CDK11A: variants seen among roughly 807,000 people sequenced by gnomAD.
The protein encoded by CDK11A is cyclin-dependent kinase 11A.
Under a neutral mutation model 83.6 loss-of-function variants are expected in CDK11A, and 55 were observed. That is an observed-to-expected ratio of 0.66 (90% CI 0.53 to 0.82). CDK11A has a LOEUF of 0.82. Ranked by LOEUF, CDK11A falls within the 40% of genes least tolerant of loss-of-function variation. The probability of loss-of-function intolerance (pLI) is 0.00; values close to 1 mark genes in which losing one functional copy is unlikely to be tolerated. For missense variants in CDK11A, 564 were observed against 810.1 expected (o/e 0.70, Z 3.69); for synonymous variants, 247 against 302.7 (o/e 0.82, Z 1.91).
Position 1,716,469 on chromosome 1 carries a change from G to A in CDK11A, c.365C>T (p.Ala122Val), listed in dbSNP as rs1644651646. Residue 122 changes from alanine to valine, a missense_variant, in exon 5 of 20, where the codon GCT becomes GTT. By Grantham distance (64) the Ala-to-Val change is moderately conservative. This residue lies in a region of CDK11A where 151 missense variants were observed against 147.4 expected (regional missense o/e 1.02). Transcript: ENST00000404249. ...TTCGTGCTCTCTTTCTTTCACTCTAGCATGCTTCCCTAATGAGAAATAAAG... is the reference window on the plus strand; with the variant it reads ...TTCGTGCTCTCTTTCTTTCACTCTAACATGCTTCCCTAATGAGAAATAAAG... ...HSHSAEGGKHARVKEREHERR... is the reference protein window; with the variant it reads ...HSHSAEGGKHVRVKEREHERR... 2 of 1,608,016 alleles carry A rather than the reference G, an allele frequency of 1.2e-6. No homozygotes were observed. Among genetic ancestry groups the A allele is most frequent in the Non-Finnish European group, 1.7e-6 (2 of 1,176,208 alleles).
rs552963881 is a variant in CDK11A at position 1,706,643 on chromosome 1, C to T, written c.1245+766G>A. Among the ~76,000 whole-genome samples the T allele has an allele frequency of 6.8e-4, 103 of 151,496 alleles. 1 individual carries two copies. Among genetic ancestry groups the T allele is most frequent in the African/African-American group, 2.4e-3 (100 of 41,334 alleles). On this transcript the variant is annotated intron_variant, in intron 11 of 19. Coordinates refer to ENST00000404249, the MANE Select transcript of CDK11A (RefSeq NM_024011.4). ...CTGAGGACGGGCCCTACCTGCCAGG[C>T]GCAGCATGATGCCCCATGCCAGGGC...
At chr1:1,703,659 G>A (rs1434443713) in intron 17 of CDK11A, 35 bp from the exon 18 acceptor site, 2 of 1,575,746 alleles carry the variant, frequency 1.3e-6, no homozygotes, top group Admixed American at 1.8e-5. Context: ...GCCACACCAA[G>A]TGGCCCACAG....
intron 1 of CDK11A, 160 bp downstream of exon 1, chr1:1,724,098 C>G (rs1215129784): frequency 6.7e-6 from 1 of 148,474 alleles, no homozygotes; most frequent in Non-Finnish European, 1.5e-5. Flanking sequence ...GCCGCCTCCA[C>G]CACCCAAAGT....
rs372695280 is a variant in CDK11A at position 1,704,185 on chromosome 1, G to A, written c.1686+38C>T. ...TGGGCGGCTGTGGGTGGGCCTGGGC[G>A]GGTCACCCTGGGATGGGCCACTCGG... On this transcript the variant is annotated intron_variant, in intron 15 of 19. Transcript: ENST00000404249. The A allele has an allele frequency of 4.5e-5, 73 of 1,606,286 alleles. 1 individual carries two copies. Among genetic ancestry groups the A allele is most frequent in the South Asian group, 2.1e-4 (19 of 89,474 alleles).
At chr1:1,720,388 C>T (rs1333907336) in intron 3 of CDK11A, among the ~76,000 whole-genome samples, 1 of 149,004 alleles carries the variant, frequency 6.7e-6, no homozygotes, top group Non-Finnish European at 1.5e-5. Flanking sequence ...TGAGCCGCCA[C>T]GCCCGGCCTG....
chr1:1,721,511 C>T (rs1644905367), intron 3 of CDK11A, 85 bp downstream of exon 3: 2 of 1,463,562 alleles, frequency 1.4e-6, no homozygotes, highest in East Asian at 2.3e-5. Flanking sequence ...TACAATAGCA[C>T]ACAGTTGTCA....
intron 4 of CDK11A, among the ~76,000 whole-genome samples, chr1:1,716,960 T>C (rs1644686454): frequency 7.0e-6 from 1 of 143,838 alleles, no homozygotes; most frequent in African/African-American, 2.6e-5. Flanking sequence ...CTCACTATAT[T>C]GGCCAAGCTG....
chr1:1,706,481 G>A (rs1435238052), intron 11 of CDK11A, among the ~76,000 whole-genome samples: 2 of 151,280 alleles, frequency 1.3e-5, no homozygotes, highest in Non-Finnish European at 3.0e-5. Context: ...CCTGGGAGGT[G>A]GAGGCTCCAG....
At chr1:1,714,732 AC>A (rs1355350291) in intron 5 of CDK11A, among the ~76,000 whole-genome samples, 2 of 135,720 alleles carry the variant, frequency 1.5e-5, no homozygotes, top group Non-Finnish European at 3.3e-5. Flanking sequence ...CTGTGTGTGG[AC>A]AGGGAGCACA....
chr1:1,721,693 TGGAATCCCGGTC>T lies in CDK11A; in HGVS notation c.118_129del (p.Asp40_Ser43del). ...TCCCCCTCCTCAAGGGAATCCCGCTTGGAATCCCGGTCATCAGACTAAGAAGCAAAGAGAAAG... is the reference window on the plus strand; with the variant it reads ...TCCCCCTCCTCAAGGGAATCCCGCTTATCAGACTAAGAAGCAAAGAGAAAG... On this transcript the variant is annotated inframe_deletion, in exon 3 of 20. Coordinates refer to ENST00000404249, the MANE Select transcript of CDK11A (RefSeq NM_024011.4). 1.3e-6 allele frequency: 2 copies of T among 1,588,252 alleles called. No homozygotes were observed. The highest frequency in any genetic ancestry group is 1.7e-6 in the Non-Finnish European group (2 of 1,157,618).
Position 1,716,406 on chromosome 1 carries a change from C to T in CDK11A, c.428G>A (p.Arg143His), listed in dbSNP as rs370418133. Residue 143 changes from arginine (R) to histidine (H), a missense_variant, in exon 5 of 20, where the codon CGC (arginine) becomes CAC (histidine). This residue lies in a region of CDK11A where 151 missense variants were observed against 147.4 expected (regional missense o/e 1.02). Coordinates refer to ENST00000404249, the MANE Select transcript of CDK11A (RefSeq NM_024011.4). ...KRHREEQDKA[R>H]REWERQKRRE... ...TCTCTTCTGTCTTTCCCATTCCCGG[C>T]GAGCTTTATCCTGTTCTTCTCGATG... is the stretch of plus-strand genomic sequence containing the variant. 17 of 1,608,570 alleles carry T rather than the reference C, an allele frequency of 1.1e-5. No individual in the cohort carries two copies. Among genetic ancestry groups the T allele is most frequent in the Admixed American group, 3.3e-5 (2 of 59,740 alleles).
Position 1,708,909 on chromosome 1 carries a change from T to TTCC in CDK11A, c.885_887dup (p.Glu301dup). 2.3e-6 allele frequency: 2 copies of TTCC among 866,600 alleles called. No individual in the cohort carries two copies. The highest frequency in any genetic ancestry group is 2.7e-5 in the East Asian group (1 of 37,194). The allele number at this position is 866,600 out of a possible 1,614,324, so 53.7% of individuals were successfully genotyped here. A position where few individuals can be genotyped will look rare whatever the true frequency, so the allele number is the denominator to read the frequency against. On this transcript the variant is annotated inframe_insertion, in exon 9 of 20. Coordinates refer to ENST00000404249, the MANE Select transcript of CDK11A (RefSeq NM_024011.4). The stretch of plus-strand genomic sequence containing the variant: ...TGGTGCTCCCTTCCTCCTCCTCCTC[T>TTCC]TCCTCCTCCTCCTCTTCTTCCTCAG...
chr1:1,712,136 A>G, intron 6 of CDK11A, 128 bp downstream of exon 6: 1 of 505,204 alleles, frequency 2.0e-6, no homozygotes, highest in Non-Finnish European at 3.3e-6. Context: ...GCCTCCAAAA[A>G]AAAAAAAAAA....
At chr1:1,706,678 TC>T (rs1396294322) in intron 11 of CDK11A, among the ~76,000 whole-genome samples, 1 of 151,414 alleles carries the variant, frequency 6.6e-6, no homozygotes, top group East Asian at 1.9e-4. Flanking sequence ...CACCTACCCC[TC>T]GGTGTACCTT....
rs533283037 is a variant in CDK11A, at chr1:1,715,326, G to C, written c.488+1020C>G. Among the ~76,000 whole-genome samples the C allele has an allele frequency of 6.7e-4, 85 of 127,260 alleles. 3 individuals carry two copies. Among genetic ancestry groups the C allele is most frequent in the Non-Finnish European group, 1.2e-3 (69 of 57,360 alleles). 83.5% of individuals were successfully genotyped at this position (127,260 alleles called of 152,430 possible). On this transcript the variant is annotated intron_variant, in intron 5 of 19. Coordinates refer to ENST00000404249, the MANE Select transcript of CDK11A (RefSeq NM_024011.4). ...GGCTGATCTGAATCGGCCCTACCCA[G>C]AAGTCTGCCCCCAACAATTTTTGTT...
rs1449938967 is a variant in CDK11A at position 1,702,693 on chromosome 1, G to A, written c.*214C>T. The A allele has an allele frequency of 2.7e-5, 17 of 621,192 alleles. No homozygotes were observed. Among genetic ancestry groups the A allele is most frequent in the Admixed American group, 5.5e-5 (2 of 36,356 alleles). 38.5% of individuals were successfully genotyped at this position (621,192 alleles called of 1,614,324 possible). The stretch of plus-strand genomic sequence containing the variant: ...TTTGTGCTGCCCCACGTGGGCACCC[G>A]AAGATGCCCTGGCAAGTCACGGAGA... On this transcript the variant is annotated 3_prime_UTR_variant, in exon 20 of 20. Transcript: ENST00000404249.
At chr1:1,706,630 C>T (rs1206522403) in intron 11 of CDK11A, among the ~76,000 whole-genome samples, 1 of 151,368 alleles carries the variant, frequency 6.6e-6, no homozygotes, top group African/African-American at 2.4e-5. Context: ...GAGGACGGGC[C>T]CTACCTGCCA....
chr1:1,719,570 G>C (rs1165484071), intron 3 of CDK11A, 115 bp from the exon 4 acceptor site: 2 of 645,144 alleles, frequency 3.1e-6, no homozygotes, highest in African/African-American at 3.9e-5. Flanking sequence ...GAACGAAGCT[G>C]AAACATCATT....
intron 13 of CDK11A, 70 bp from the exon 14 acceptor site, chr1:1,704,725 T>C: frequency 6.2e-7 from 1 of 1,601,492 alleles, no homozygotes; most frequent in South Asian, 1.1e-5. Flanking sequence ...CGGGCGCAGA[T>C]GCTGAGGGAC....
Sources: allele counts gnomAD v4.1 joint callset (sites outside exome capture counted in the v4.1 genomes callset), GRCh38; gene constraint gnomAD v4.1.1; regional missense constraint gnomAD v4.1.1; transcripts MANE v1.5; gene names NCBI Gene and HGNC (gene_info 2026-07-23, HGNC 2026-07-21).